Variants in SETBP1 observed in about 807,000 individuals in gnomAD.
The protein encoded by SETBP1 is SET-binding protein.
A neutral mutation model predicts 101.0 loss-of-function variants in SETBP1; 9 were observed. The observed-to-expected ratio is 0.09, with a 90% CI of 0.05 to 0.16. The LOEUF is 0.16. Ranked by LOEUF, SETBP1 falls within the 10% of genes least tolerant of loss-of-function variation. The pLI, the probability that SETBP1 is intolerant of heterozygous loss-of-function variation, is 1.00. For synonymous variants in SETBP1, 818 were observed against 788.5 expected, an observed-to-expected ratio of 1.04 and a Z score of -0.63; for missense variants, 1,858 against 2,033.8, an observed-to-expected ratio of 0.91 and a Z score of 1.66.
At chr18:44,930,716 A>G (rs1247491046) in intron 3 of SETBP1, among the ~76,000 whole-genome samples, 1 of 151,960 alleles carries the variant, frequency 6.6e-6, no homozygotes, top group Non-Finnish European at 1.5e-5. Flanking sequence ...TTTCTAGTTT[A>G]TTTGCGTAGG....
rs572328279 is a variant in SETBP1, at chr18:44,895,787, C to A, written c.540+26504C>A. Among the ~76,000 whole-genome samples, 4 of 152,174 alleles carry A rather than the reference C, an allele frequency of 2.6e-5. No homozygotes were observed. In the South Asian group the frequency reaches 8.3e-4, roughly 32 times the overall value. ...ATGCAATTTGAGAACTAAATGACTT[C>A]TCTTCAGGAAAAATTAAATATTTTG... is the stretch of plus-strand genomic sequence containing the variant. On this transcript the variant is annotated intron_variant, in intron 3 of 5. Coordinates refer to ENST00000649279, the MANE Select transcript of SETBP1 (RefSeq NM_015559.3).
At chr18:44,943,390 G>C (rs1318639449) in intron 3 of SETBP1, among the ~76,000 whole-genome samples, 4 of 152,168 alleles carry the variant, frequency 2.6e-5, no homozygotes, top group African/African-American at 9.7e-5. Context: ...CTAGGACTTT[G>C]TGAAACACAT....
intron 2 of SETBP1, among the ~76,000 whole-genome samples, chr18:44,732,400 G>A (rs1199983492): frequency 1.3e-5 from 2 of 152,152 alleles, no homozygotes; most frequent in South Asian, 2.1e-4. Flanking sequence ...TTGCTGTGCT[G>A]AGCAGACATC....
intron 4 of SETBP1, among the ~76,000 whole-genome samples, chr18:44,964,716 T>C (rs773282071): frequency 1.4e-4 from 21 of 152,168 alleles, no homozygotes; most frequent in Admixed American, 1.3e-4. Context: ...CCCCAGCTGA[T>C]GGTAAGCACT....
chr18:44,836,382 A>T (rs1248516856), intron 2 of SETBP1, among the ~76,000 whole-genome samples: 1 of 152,162 alleles, frequency 6.6e-6, no homozygotes, highest in Admixed American at 6.5e-5. Context: ...AAAAAATGTC[A>T]GATTGTTTAA....
At chr18:44,819,794 AACAAT>A (rs1169741966) in intron 2 of SETBP1, among the ~76,000 whole-genome samples, 1 of 152,184 alleles carries the variant, frequency 6.6e-6, no homozygotes, top group East Asian at 1.9e-4. Flanking sequence ...ATTGGACCCT[AACAAT>A]TTCCATTGAG....
intron 4 of SETBP1, among the ~76,000 whole-genome samples, chr18:44,964,037 A>G (rs1180059608): frequency 1.3e-5 from 2 of 151,902 alleles, no homozygotes; most frequent in Non-Finnish European, 2.9e-5. Flanking sequence ...AAGTTTGGGA[A>G]GTTGTTAGAG....
intron 4 of SETBP1, among the ~76,000 whole-genome samples, chr18:44,954,365 G>A (rs1280266456): frequency 2.2e-5 from 3 of 133,484 alleles, no homozygotes; most frequent in East Asian, 4.5e-4. Flanking sequence ...CAGTTCTTGT[G>A]TTCCCCCTGT....
At chr18:44,705,689 C>T (rs1451478336) in intron 2 of SETBP1, among the ~76,000 whole-genome samples, 1 of 152,168 alleles carries the variant, frequency 6.6e-6, no homozygotes, top group Non-Finnish European at 1.5e-5. Context: ...GCATGACTTA[C>T]ATATCATAGG....
intron 2 of SETBP1, among the ~76,000 whole-genome samples, chr18:44,768,346 A>C (rs1488569434): frequency 6.6e-6 from 1 of 152,156 alleles, no homozygotes; most frequent in Non-Finnish European, 1.5e-5. Flanking sequence ...ATACACAGAT[A>C]CTTAAAACCT....
chr18:44,967,319 G>T (rs1218248021), intron 4 of SETBP1, among the ~76,000 whole-genome samples: 1 of 152,134 alleles, frequency 6.6e-6, no homozygotes, highest in Non-Finnish European at 1.5e-5. Flanking sequence ...CTTGGCATCG[G>T]GACTGTCACG....
chr18:44,963,983 A>C (rs1237689971), intron 4 of SETBP1, among the ~76,000 whole-genome samples: 1 of 93,216 alleles, frequency 1.1e-5, no homozygotes, highest in Non-Finnish European at 2.3e-5. Context: ...AGATCCATGA[A>C]AAAAAAACAA....
intron 2 of SETBP1, among the ~76,000 whole-genome samples, chr18:44,801,600 G>A (rs972301697): frequency 6.6e-6 from 1 of 152,184 alleles, no homozygotes; most frequent in Admixed American, 6.5e-5. Flanking sequence ...GCATATGTGT[G>A]TGGATTTGTG....
At chr18:44,833,715 C>A (rs2072428698) in intron 2 of SETBP1, among the ~76,000 whole-genome samples, 1 of 152,236 alleles carries the variant, frequency 6.6e-6, no homozygotes, top group Non-Finnish European at 1.5e-5. Context: ...TCTGCAAATG[C>A]TGCATTTCCT....
chr18:44,834,159 A>T (rs1268574928), intron 2 of SETBP1, among the ~76,000 whole-genome samples: 1 of 151,826 alleles, frequency 6.6e-6, no homozygotes, highest in Admixed American at 6.6e-5. Context: ...GATCCGTTGT[A>T]TATAGATCTC....
At chr18:45,004,239 G>A (rs1178803526) in intron 4 of SETBP1, among the ~76,000 whole-genome samples, 9 of 152,194 alleles carry the variant, frequency 5.9e-5, no homozygotes, top group African/African-American at 1.9e-4. Flanking sequence ...TTAGTATGGG[G>A]ACCAATTATT....
At chr18:44,781,642 TG>T (rs2071133774) in intron 2 of SETBP1, among the ~76,000 whole-genome samples, 1 of 152,046 alleles carries the variant, frequency 6.6e-6, no homozygotes, top group East Asian at 1.9e-4. Flanking sequence ...AATGAAGAAA[TG>T]TGTAATCCCT....
intron 4 of SETBP1, among the ~76,000 whole-genome samples, chr18:45,028,330 G>C (rs992957807): frequency 1.3e-5 from 2 of 152,016 alleles, no homozygotes; most frequent in African/African-American, 4.8e-5. Flanking sequence ...GCCCTACAAA[G>C]GACATGAACT....
intron 4 of SETBP1, among the ~76,000 whole-genome samples, chr18:44,974,044 A>T (rs376973823): frequency 5.3e-5 from 8 of 152,370 alleles, no homozygotes; most frequent in African/African-American, 9.6e-5. Flanking sequence ...GAAAATTTTT[A>T]AAAATGAAGT....
Sources: allele counts gnomAD v4.1 joint callset (sites outside exome capture counted in the v4.1 genomes callset), GRCh38; gene constraint gnomAD v4.1.1; transcripts MANE v1.5; gene names NCBI Gene and HGNC (gene_info 2026-07-23, HGNC 2026-07-21).